Variants in CEP290 observed in about 807,000 individuals in gnomAD.
The protein encoded by CEP290 is centrosomal protein 290.
Under a neutral mutation model 344.9 loss-of-function variants are expected in CEP290, and 317 were observed. The observed-to-expected ratio is 0.92, with a 90% CI of 0.84 to 1.01. The LOEUF (loss-of-function observed/expected upper bound fraction) is 1.01. Among genes scored for constraint, CEP290 ranks in the 50% least tolerant of loss-of-function variants. The pLI, the probability that CEP290 is intolerant of heterozygous loss-of-function variation, is 0.00. For missense variants in CEP290, 2,754 were observed against 2,761.4 expected (o/e 1.00, Z 0.06); for synonymous variants, 932 against 895.8 (o/e 1.04, Z -0.72).
intron 41 of CEP290, among the ~76,000 whole-genome samples, chr12:88,074,573 T>G (rs1299278126): frequency 2.0e-5 from 3 of 152,222 alleles, no homozygotes; most frequent in Non-Finnish European, 4.4e-5. Flanking sequence ...TGTCCTCATC[T>G]TTAGTTATAA....
intron 30 of CEP290, among the ~76,000 whole-genome samples, chr12:88,090,450 G>C (rs1459269586): frequency 6.6e-6 from 1 of 152,042 alleles, no homozygotes. Context: ...TAGGCAACAT[G>C]GTGAAACCCT....
At chr12:88,091,745 C>T (rs1012571615) in intron 29 of CEP290, among the ~76,000 whole-genome samples, 3 of 151,408 alleles carry the variant, frequency 2.0e-5, no homozygotes, top group African/African-American at 7.4e-5. Flanking sequence ...TATCAAGGCT[C>T]CAAAGGAATG....
chr12:88,125,163 T>C (rs2039653192), intron 13 of CEP290, 83 bp downstream of exon 13: 1 of 461,310 alleles, frequency 2.2e-6, no homozygotes, highest in Non-Finnish European at 3.4e-6. Flanking sequence ...AAACTCAATA[T>C]TGACTTGACA....
chr12:88,107,124 C>G, intron 23 of CEP290, 26 bp from the exon 24 acceptor site: 1 of 1,326,696 alleles, frequency 7.5e-7, no homozygotes, highest in Non-Finnish European at 1.0e-6. Flanking sequence ...AACAAAAAGA[C>G]AATACTGTAA....
chr12:88,100,373 T>A (rs1265784397), intron 26 of CEP290, among the ~76,000 whole-genome samples: 2 of 152,232 alleles, frequency 1.3e-5, no homozygotes, highest in East Asian at 3.8e-4. Flanking sequence ...TCTTTTGCTT[T>A]ATTACCCATC....
intron 25 of CEP290, among the ~76,000 whole-genome samples, chr12:88,104,918 C>A (rs951658089): frequency 1.3e-5 from 2 of 151,650 alleles, no homozygotes; most frequent in Non-Finnish European, 2.9e-5. Flanking sequence ...AGTAAAAATC[C>A]GATACTATTT....
intron 13 of CEP290, among the ~76,000 whole-genome samples, chr12:88,124,073 G>C (rs929640406): frequency 6.6e-6 from 1 of 151,954 alleles, no homozygotes; most frequent in Non-Finnish European, 1.5e-5. Flanking sequence ...TCTTCTAACA[G>C]GTCTCCCTGA....
Position 88,077,851 on chromosome 12 carries a change from C to T in CEP290, c.5432G>A (p.Arg1811Lys). 6.8e-7 allele frequency: 1 copy of T among 1,470,050 alleles called. No individual in the cohort carries two copies. Among genetic ancestry groups the T allele is most frequent in the Non-Finnish European group, 9.3e-7 (1 of 1,078,416 alleles). The allele number at this position is 1,470,050 out of a possible 1,614,324, so 91.1% of individuals were successfully genotyped here. A position where few individuals can be genotyped will look rare whatever the true frequency, so the allele number is the denominator to read the frequency against. ...LKEALKTSKN[R>K]ENSLTDNLND... ...CAAATTATCAGTTAGTGAGTTTTCT[C>T]TGTTTTTACTTGTTTTAAGTGCTTC... Residue 1811 changes from arginine (R) to lysine (K), a missense_variant, in exon 40 of 54, where the codon AGA becomes AAA. By Grantham distance (26) the Arg-to-Lys change is conservative. Transcript: ENST00000552810.
At chr12:88,130,681 C>A in intron 7 of CEP290, 116 bp from the exon 8 acceptor site, 1 of 689,414 alleles carries the variant, frequency 1.5e-6, no homozygotes, top group Non-Finnish European at 2.3e-6. Flanking sequence ...TGCATATTAT[C>A]TTGAATAACC....
intron 32 of CEP290, among the ~76,000 whole-genome samples, chr12:88,087,004 A>T (rs2468250): frequency 0.78 from 118,827 of 152,196 alleles, 50,450 homozygotes; most frequent in East Asian, 0.96. Context: ...GGTGAAGGAT[A>T]CACTGATAAG....
intron 28 of CEP290, among the ~76,000 whole-genome samples, chr12:88,093,192 C>T (rs552822236): frequency 1.3e-5 from 2 of 152,122 alleles, no homozygotes; most frequent in South Asian, 2.1e-4. Context: ...AAATCTTACT[C>T]ATATAGATTT....
rs1374875080 is a variant in CEP290 at position 88,079,108 on chromosome 12, T to C, written c.5348A>G (p.His1783Arg). The stretch of plus-strand genomic sequence containing the variant: ...GATGTTCACCTTTAGCTCTCTAGTA[T>C]GTCGATCAACGATTTGTTGAACATT... Reference protein sequence around the residue: ...HLNVQQIVDRHTRELKTQVED... With the variant: ...HLNVQQIVDRRTRELKTQVED... Residue 1783 changes from histidine (H) to arginine (R), a missense_variant, in exon 39 of 54, where the codon CAT (histidine) becomes CGT (arginine). By Grantham distance (29) the His-to-Arg change is conservative. Coordinates refer to ENST00000552810, the MANE Select transcript of CEP290 (RefSeq NM_025114.4). 5 of 1,592,020 alleles carry C rather than the reference T, an allele frequency of 3.1e-6. No homozygotes were observed. Among genetic ancestry groups the C allele is most frequent in the Non-Finnish European group, 4.3e-6 (5 of 1,172,306 alleles).
chr12:88,101,105 G>A (rs2037838409), intron 26 of CEP290, among the ~76,000 whole-genome samples: 1 of 151,982 alleles, frequency 6.6e-6, no homozygotes, highest in African/African-American at 2.4e-5. Context: ...TGGAGATAGA[G>A]ACAGGAATAA....
At chr12:88,056,120 G>A (rs963272860) in intron 49 of CEP290, among the ~76,000 whole-genome samples, 5 of 152,024 alleles carry the variant, frequency 3.3e-5, no homozygotes, top group African/African-American at 4.8e-5. Flanking sequence ...CACATAGGAG[G>A]TATCTAGGTA....
chr12:88,102,825 C>T lies in CEP290; in HGVS notation c.2991+13G>A. ...GGCTAATTTCACAAGGTTCAAGAAT[C>T]ACACAAACTTACCTCCAGGTGTTCC... On this transcript the variant is annotated intron_variant, in intron 26 of 53. Coordinates refer to ENST00000552810, the MANE Select transcript of CEP290 (RefSeq NM_025114.4). 3 of 1,605,046 alleles carry T rather than the reference C, an allele frequency of 1.9e-6. No individual in the cohort carries two copies. The highest frequency in any genetic ancestry group is 2.5e-6 in the Non-Finnish European group (3 of 1,176,540).
chr12:88,120,030 AAATAAT>A, intron 15 of CEP290, 78 bp downstream of exon 15: 1 of 855,080 alleles, frequency 1.2e-6, no homozygotes, highest in Non-Finnish European at 1.7e-6. Flanking sequence ...ACTACTTAAT[AAATAAT>A]AATAAACAAA....
chr12:88,113,173 A>G (rs2038814710), intron 20 of CEP290, among the ~76,000 whole-genome samples: 1 of 152,136 alleles, frequency 6.6e-6, no homozygotes, highest in Admixed American at 6.5e-5. Context: ...AGAGATTGTC[A>G]ACATAAATAG....
chr12:88,135,122 A>C (rs188710381), intron 6 of CEP290, among the ~76,000 whole-genome samples: 2 of 152,284 alleles, frequency 1.3e-5, no homozygotes, highest in African/African-American at 4.8e-5. Flanking sequence ...TGCCCACTAT[A>C]TCACTAGTAA....
At chr12:88,108,933 C>A (rs1041720250) in intron 23 of CEP290, 133 bp downstream of exon 23, 1 of 459,708 alleles carries the variant, frequency 2.2e-6, no homozygotes, top group African/African-American at 2.1e-5. Flanking sequence ...ACAGTAGTTA[C>A]CAGAGTAAAA....
Sources: gnomAD v4.1 joint callset for allele counts (sites outside exome capture counted in the v4.1 genomes callset) on GRCh38, gnomAD v4.1.1 for gene constraint, MANE v1.5 for transcripts, NCBI Gene and HGNC (gene_info 2026-07-23, HGNC 2026-07-21) for gene names.